SLC25A12: variants seen among roughly 807,000 people sequenced by gnomAD.
The protein encoded by SLC25A12 is solute carrier family 25 member 12.
SLC25A12 carries 32 observed loss-of-function variants against 83.3 expected under a neutral mutation model. The observed-to-expected ratio is 0.38, with a 90% CI of 0.29 to 0.52. SLC25A12 has a LOEUF of 0.52. Among genes scored for constraint, SLC25A12 ranks in the 20% least tolerant of loss-of-function variants. The pLI is 0.84. For synonymous variants in SLC25A12, 267 were observed against 291.1 expected, an observed-to-expected ratio of 0.92 and a Z score of 0.84; for missense variants, 611 against 835.6, an observed-to-expected ratio of 0.73 and a Z score of 3.31.
At chr2:171,805,028 C>T (rs1036215971) in intron 13 of SLC25A12, among the ~76,000 whole-genome samples, 1 of 152,158 alleles carries the variant, frequency 6.6e-6, no homozygotes, top group Non-Finnish European at 1.5e-5. Flanking sequence ...GAATTATACA[C>T]ATTAAATGGG....
chr2:171,794,187 T>G (rs1478484415), intron 13 of SLC25A12, among the ~76,000 whole-genome samples: 2 of 152,218 alleles, frequency 1.3e-5, no homozygotes, highest in Non-Finnish European at 2.9e-5. Flanking sequence ...AGAGCTACAA[T>G]TATTTTTTTC....
chr2:171,808,290 T>C lies in SLC25A12; in HGVS notation c.1305+1316A>G, dbSNP rs530893727. Among the ~76,000 whole-genome samples, 75 of 134,164 alleles carry C rather than the reference T, an allele frequency of 5.6e-4. 2 individuals are homozygous for C. The highest frequency in any genetic ancestry group is 9.6e-4 in the Non-Finnish European group (58 of 60,226). The allele number at this position is 134,164 out of a possible 152,430, so 88.0% of individuals were successfully genotyped here. A position where few individuals can be genotyped will look rare whatever the true frequency, so the allele number is the denominator to read the frequency against. On this transcript the variant is annotated intron_variant, in intron 13 of 17. Transcript: ENST00000422440. Reference sequence around the variant, plus strand: ...AGAATTTCTGTCAATAGCTGAAATGTAGTTACCGTTATTATTGTTTGCCAA... The same window carrying C: ...AGAATTTCTGTCAATAGCTGAAATGCAGTTACCGTTATTATTGTTTGCCAA...
At chr2:171,823,898 T>C (rs1684244150) in intron 9 of SLC25A12, among the ~76,000 whole-genome samples, 1 of 150,532 alleles carries the variant, frequency 6.6e-6, no homozygotes. Flanking sequence ...AGGACTGCAG[T>C]GAACAGTGAT....
intron 2 of SLC25A12, chr2:171,871,639 T>C (rs1013124057): frequency 3.6e-6 from 3 of 830,900 alleles, no homozygotes; most frequent in Non-Finnish European, 2.9e-6. Context: ...ATCTTTGTAA[T>C]AGCGACTTCC....
chr2:171,875,998 T>C (rs1685563031), intron 2 of SLC25A12, among the ~76,000 whole-genome samples: 1 of 150,838 alleles, frequency 6.6e-6, no homozygotes, highest in African/African-American at 2.4e-5. Context: ...ATATATGGAA[T>C]CGCCAAGATG....
chr2:171,882,220 C>G (rs1460614251), intron 2 of SLC25A12, among the ~76,000 whole-genome samples: 1 of 152,108 alleles, frequency 6.6e-6, no homozygotes, highest in African/African-American at 2.4e-5. Context: ...CTTCTGGTAA[C>G]TGCATGCTAA....
chr2:171,816,274 C>T (rs1398560239), intron 9 of SLC25A12, among the ~76,000 whole-genome samples: 1 of 151,936 alleles, frequency 6.6e-6, no homozygotes, highest in African/African-American at 2.4e-5. Context: ...TTATGTTGCC[C>T]AGGCTGGTCT....
At chr2:171,854,518 G>C (rs1685006260) in intron 4 of SLC25A12, among the ~76,000 whole-genome samples, 1 of 151,972 alleles carries the variant, frequency 6.6e-6, no homozygotes, top group Admixed American at 6.6e-5. Flanking sequence ...CGTGAGCCAA[G>C]ATCACGCCAT....
At chr2:171,854,466 C>A (rs1027456144) in intron 4 of SLC25A12, among the ~76,000 whole-genome samples, 1 of 152,070 alleles carries the variant, frequency 6.6e-6, no homozygotes, top group African/African-American at 2.4e-5. Flanking sequence ...ATTCGGGAGG[C>A]TGAGGCAGGA....
intron 3 of SLC25A12, among the ~76,000 whole-genome samples, chr2:171,866,557 T>A (rs1416704992): frequency 8.7e-6 from 1 of 114,692 alleles, no homozygotes; most frequent in Non-Finnish European, 1.8e-5. Flanking sequence ...GCCCCTCACC[T>A]CCCGAACCGG....
intron 11 of SLC25A12, 117 bp downstream of exon 11, chr2:171,813,222 G>A: frequency 9.8e-7 from 1 of 1,017,158 alleles, no homozygotes; most frequent in Non-Finnish European, 1.5e-6. Context: ...TAAAAAGAGA[G>A]AAACAGACCT....
intron 9 of SLC25A12, among the ~76,000 whole-genome samples, chr2:171,819,150 AATATATG>A (rs1490025964): frequency 8.0e-5 from 11 of 136,850 alleles, no homozygotes; most frequent in Non-Finnish European, 7.7e-5. Context: ...ATAAATATAA[AATATATG>A]ATATATAATA....
intron 3 of SLC25A12, among the ~76,000 whole-genome samples, chr2:171,863,973 T>C (rs569926523): frequency 1.3e-5 from 2 of 152,278 alleles, no homozygotes; most frequent in Non-Finnish European, 1.5e-5. Context: ...GTTGAACACA[T>C]AGTAAATTTC....
At chr2:171,892,663 T>TA (rs1238649595) in intron 2 of SLC25A12, among the ~76,000 whole-genome samples, 5 of 152,126 alleles carry the variant, frequency 3.3e-5, no homozygotes, top group Non-Finnish European at 5.9e-5. Flanking sequence ...TCACTGATTC[T>TA]AAAAGCTTAG....
intron 2 of SLC25A12, among the ~76,000 whole-genome samples, chr2:171,880,709 C>T (rs1263157342): frequency 1.3e-5 from 2 of 152,156 alleles, no homozygotes; most frequent in African/African-American, 4.8e-5. Context: ...TGTTCCCCTC[C>T]TTCCTTTCTC....
rs116941186 is a variant in SLC25A12 at position 171,808,311 on chromosome 2, G to A, written c.1305+1295C>T. On this transcript the variant is annotated intron_variant, in intron 13 of 17. Coordinates refer to ENST00000422440, the MANE Select transcript of SLC25A12 (RefSeq NM_003705.5). ...AATGTAGTTACCGTTATTATTGTTT[G>A]CCAATAATCATGTCATGCTTACACT... 3.4e-3 allele frequency among the ~76,000 whole-genome samples: 298 copies of A among 87,962 alleles called. 37 individuals carry two copies. Among genetic ancestry groups the A allele is most frequent in the East Asian group, 0.032 (114 of 3,598 alleles). 57.7% of individuals were successfully genotyped at this position (87,962 alleles called of 152,430 possible). A position where few individuals can be genotyped will look rare whatever the true frequency, so the allele number is the denominator to read the frequency against.
chr2:171,830,966 G>A (rs568764550), intron 8 of SLC25A12, among the ~76,000 whole-genome samples: 2 of 152,334 alleles, frequency 1.3e-5, no homozygotes, highest in Admixed American at 6.5e-5. Context: ...TGAAACCCAG[G>A]TTGTAAGCTC....
chr2:171,806,918 A>G (rs1014336687), intron 13 of SLC25A12, among the ~76,000 whole-genome samples: 2 of 152,196 alleles, frequency 1.3e-5, no homozygotes, highest in Non-Finnish European at 2.9e-5. Flanking sequence ...CACTCTTCAC[A>G]GTGTTAATCT....
In SLC25A12 at chr2:171,893,186, AC is replaced by A; in HGVS notation, c.66+18del. Reference sequence around the variant, plus strand: ...TTTTTGTTTTTGCAATGAAAGGCACACTATGCAAGCCAATTTACCTGTAGAA... The same window carrying A: ...TTTTTGTTTTTGCAATGAAAGGCACATATGCAAGCCAATTTACCTGTAGAA... On this transcript the variant is annotated intron_variant, in intron 2 of 17. Transcript: ENST00000422440. 6.2e-7 allele frequency: 1 copy of A among 1,611,450 alleles called. No homozygotes were observed. The highest frequency in any genetic ancestry group is 8.5e-7 in the Non-Finnish European group (1 of 1,177,570).
Sources: gnomAD v4.1 joint callset for allele counts (sites outside exome capture counted in the v4.1 genomes callset) on GRCh38, gnomAD v4.1.1 for gene constraint, MANE v1.5 for transcripts, NCBI Gene and HGNC (gene_info 2026-07-23, HGNC 2026-07-21) for gene names.